TTLL4: variants seen among roughly 807,000 people sequenced by gnomAD.
The protein encoded by TTLL4 is tubulin monoglutamylase TTLL4.
Under a neutral mutation model 122.7 loss-of-function variants are expected in TTLL4, and 85 were observed. That is an observed-to-expected ratio of 0.69 (90% CI 0.58 to 0.83). The LOEUF (loss-of-function observed/expected upper bound fraction) is 0.83, where lower values mean the gene tolerates loss of function less well. TTLL4 is among the 40% of genes least tolerant of loss of function. The pLI is 0.00. For missense variants in TTLL4, 1,363 were observed against 1,488.6 expected (o/e 0.92, Z 1.39); for synonymous variants, 553 against 563.0 (o/e 0.98, Z 0.25).
chr2:218,739,183 G>T lies in TTLL4; in HGVS notation c.1487+20G>T. 6.3e-7 allele frequency: 1 copy of T among 1,599,708 alleles called. No individual in the cohort carries two copies. The highest frequency in any genetic ancestry group is 1.1e-5 in the South Asian group (1 of 90,044). On this transcript the variant is annotated intron_variant, in intron 3 of 19. Coordinates refer to ENST00000392102, the MANE Select transcript of TTLL4 (RefSeq NM_014640.5). ...TATTAGGTATGTTGGCAATGTTTTT[G>T]GTTCATTTAGAGCAGTAGAATGTAT...
At chr2:218,751,438 A>G (rs751548272) in intron 15 of TTLL4, among the ~76,000 whole-genome samples, 7 of 152,192 alleles carry the variant, frequency 4.6e-5, no homozygotes, top group Non-Finnish European at 2.9e-5. Context: ...ATATACCACA[A>G]TAAGGCTTAT....
At position 218,740,066 on chromosome 2, in the gene TTLL4, C is replaced by T. The variant is rs759129935; in HGVS notation, c.1496C>T (p.Thr499Ile). The T allele has an allele frequency of 6.2e-7, 1 of 1,614,022 alleles. No individual in the cohort carries two copies. Among genetic ancestry groups the T allele is most frequent in the Non-Finnish European group, 8.5e-7 (1 of 1,179,936 alleles). Reference protein sequence around the residue: ...DSSDRDISSATDLQPDQAETE... With the variant: ...DSSDRDISSAIDLQPDQAETE... ...ATGATTCTTTCTTTTAGTTCAGCTA[C>T]TGACCTCCAGCCAGATCAGGCTGAG... is the stretch of plus-strand genomic sequence containing the variant. The change falls in exon 4 of 20, where the codon ACT (threonine) becomes ATT (isoleucine). Residue 499 changes from threonine to isoleucine, a missense_variant. Coordinates refer to ENST00000392102, the MANE Select transcript of TTLL4 (RefSeq NM_014640.5).
chr2:218,748,429 T>G, intron 12 of TTLL4: 1 of 739,004 alleles, frequency 1.4e-6, no homozygotes, highest in South Asian at 2.1e-5. Context: ...CCAAGGTGGG[T>G]GGATCACCTG....
chr2:218,733,797 A>G (rs1389912882), intron 2 of TTLL4, among the ~76,000 whole-genome samples: 2 of 152,226 alleles, frequency 1.3e-5, no homozygotes, highest in Middle Eastern at 6.8e-3. Flanking sequence ...GTGTTGGGCT[A>G]TTTGTGTTCA....
Position 218,754,162 on chromosome 2 carries a change from C to G in TTLL4, c.3373C>G (p.Leu1125Val), listed in dbSNP as rs749792792. The G allele has an allele frequency of 6.2e-7, 1 of 1,614,166 alleles. No homozygotes were observed. Among genetic ancestry groups the G allele is most frequent in the Admixed American group, 1.7e-5 (1 of 60,018 alleles). ...ACAAAGCTCCTGTGAGGTTAGCCTA[C>G]TACTCTCTGAAGACGGGACCACGCC... ...GKQSSCEVSL[L>V]LSEDGTTPKS... Residue 1125 changes from leucine to valine, a missense_variant, in exon 20 of 20, where the codon CTA becomes GTA. This residue lies in a region of TTLL4 where 596 missense variants were observed against 655.8 expected (regional missense o/e 0.91). Coordinates refer to ENST00000392102, the MANE Select transcript of TTLL4 (RefSeq NM_014640.5).
chr2:218,750,799 C>A (rs1014609792), intron 15 of TTLL4, among the ~76,000 whole-genome samples: 1 of 152,180 alleles, frequency 6.6e-6, no homozygotes, highest in Non-Finnish European at 1.5e-5. Flanking sequence ...TAGCCAGACC[C>A]GCTGTTAACC....
At chr2:218,713,744 G>A (rs1049119391) in intron 1 of TTLL4, among the ~76,000 whole-genome samples, 1 of 152,196 alleles carries the variant, frequency 6.6e-6, no homozygotes, top group African/African-American at 2.4e-5. Flanking sequence ...CAATATGTTG[G>A]TTGAATAGGA....
chr2:218,741,345 G>A (rs1942695539), intron 5 of TTLL4, among the ~76,000 whole-genome samples: 1 of 152,198 alleles, frequency 6.6e-6, no homozygotes, highest in Non-Finnish European at 1.5e-5. Flanking sequence ...ATTAAAACCT[G>A]TATATCACTG....
chr2:218,728,159 TG>T (rs1288597818), intron 2 of TTLL4: 1 of 2,352 alleles, frequency 4.3e-4, no homozygotes, highest in Non-Finnish European at 8.1e-4. Context: ...CTGGGGTGGG[TG>T]GGTGGGGGAG....
At position 218,752,988 on chromosome 2, in the gene TTLL4, C is replaced by T. The variant is rs774058237; in HGVS notation, c.3187+15C>T. ...CAAGCTTAAAGGTGATGTGCCCTCC[C>T]TGCCCTCAGAAAGCCAAGTTTAGTG... On this transcript the variant is annotated intron_variant, in intron 17 of 19. Coordinates refer to ENST00000392102, the MANE Select transcript of TTLL4 (RefSeq NM_014640.5). The T allele has an allele frequency of 6.2e-7, 1 of 1,614,182 alleles. No homozygotes were observed. Among genetic ancestry groups the T allele is most frequent in the Non-Finnish European group, 8.5e-7 (1 of 1,180,018 alleles).
rs989407207 is a variant in TTLL4 at position 218,748,045 on chromosome 2, G to T, written c.2379-60G>T. ...TCTTCAGGATTTGGGGAAATGTTTG[G>T]CCCCTTCTCCATCTGCTCTGTTACC... On this transcript the variant is annotated intron_variant, in intron 11 of 19. Transcript: ENST00000392102. 3.1e-6 allele frequency: 5 copies of T among 1,605,094 alleles called. No individual in the cohort carries two copies. The African/African-American group carries it at 6.7e-5, about 21-fold the overall frequency.
chr2:218,744,762 C>T (rs763443007), intron 5 of TTLL4, among the ~76,000 whole-genome samples: 20 of 152,082 alleles, frequency 1.3e-4, no homozygotes, highest in Non-Finnish European at 2.2e-4. Flanking sequence ...TAGCATAGCA[C>T]GTTCTGCTAC....
chr2:218,755,062 T>C lies in TTLL4; in HGVS notation c.*673T>C, dbSNP rs903917963. The C allele has an allele frequency of 6.6e-6, 1 of 152,646 alleles. No homozygotes were observed. The highest frequency in any genetic ancestry group is 2.4e-5 in the African/African-American group (1 of 41,454). The allele number at this position is 152,646 out of a possible 1,614,324, so 9.5% of individuals were successfully genotyped here. On this transcript the variant is annotated 3_prime_UTR_variant, in exon 20 of 20. Coordinates refer to ENST00000392102, the MANE Select transcript of TTLL4 (RefSeq NM_014640.5). ...TCTAGATGTCTCTCTCGTGGACATC[T>C]GTTCTTTAGCTGTTGGCTTTCTCTG...
chr2:218,718,915 A>G (rs116766223), intron 1 of TTLL4, among the ~76,000 whole-genome samples: 6,081 of 152,252 alleles, frequency 0.04, 377 homozygotes, highest in African/African-American at 0.14. Context: ...ACTTGGTGTT[A>G]GAGGGGTTGG....
Position 218,726,759 on chromosome 2 carries a change from G to A in TTLL4, c.-177-510G>A, listed in dbSNP as rs145748814. Among the ~76,000 whole-genome samples the A allele has an allele frequency of 3.9e-3, 591 of 151,604 alleles. 4 individuals are homozygous for A. Among genetic ancestry groups the A allele is most frequent in the African/African-American group, 0.013 (536 of 41,350 alleles). On this transcript the variant is annotated intron_variant, in intron 1 of 19. Transcript: ENST00000392102. ...TGGGATTATAGGCGTGAGCCACCAC[G>A]CCTGGCCTCTTTTGTGAAATTTCTT...
chr2:218,753,526 A>G, intron 18 of TTLL4, 58 bp from the exon 19 acceptor site: 1 of 1,557,348 alleles, frequency 6.4e-7, no homozygotes, highest in South Asian at 1.1e-5. Context: ...CAAGACCCCA[A>G]ACACTCCTGC....
rs531434470 is a variant in TTLL4 at position 218,718,501 on chromosome 2, C to T, written c.-178+7464C>T. On this transcript the variant is annotated intron_variant, in intron 1 of 19. Coordinates refer to ENST00000392102, the MANE Select transcript of TTLL4 (RefSeq NM_014640.5). ...TCAAGCGATTCTCCTGCCTCCACCTCCCAAGTAGCTGGGATTACAGGCATG... is the reference window on the plus strand; with the variant it reads ...TCAAGCGATTCTCCTGCCTCCACCTTCCAAGTAGCTGGGATTACAGGCATG... Among the ~76,000 whole-genome samples, 15 of 152,220 alleles carry T rather than the reference C, an allele frequency of 9.9e-5. No individual in the cohort carries two copies. The East Asian group carries it at 2.3e-3, about 23-fold the overall frequency.
chr2:218,744,846 C>T (rs1031887894), intron 5 of TTLL4, among the ~76,000 whole-genome samples: 9 of 152,126 alleles, frequency 5.9e-5, no homozygotes, highest in Admixed American at 5.2e-4. Context: ...TGTCTTGTCA[C>T]GGGAAATTTT....
chr2:218,749,449 C>G, intron 14 of TTLL4, 62 bp downstream of exon 14: 1 of 1,578,444 alleles, frequency 6.3e-7, no homozygotes, highest in African/African-American at 1.4e-5. Flanking sequence ...GCTCCCATTG[C>G]CACTCCAGTA....
Sources: allele counts gnomAD v4.1 joint callset (sites outside exome capture counted in the v4.1 genomes callset), GRCh38; gene constraint gnomAD v4.1.1; regional missense constraint gnomAD v4.1.1; transcripts MANE v1.5; gene names NCBI Gene and HGNC (gene_info 2026-07-23, HGNC 2026-07-21).